ARK2C: variants seen among roughly 807,000 people sequenced by gnomAD.
ARK2C encodes arkadia (RNF111) C-terminal like ring finger ubiquitin ligase 2C.
At chr18:46,417,235 C>G in the ARK2C span, among the ~76,000 whole-genome samples, 1 of 152,240 alleles carries the variant, frequency 6.6e-6, no homozygotes, top group Non-Finnish European at 1.5e-5. Context: ...CTGCTTCTTA[C>G]CTTTGCCTTC....
chr18:46,416,046 A>G, the ARK2C span, among the ~76,000 whole-genome samples: 26,631 of 152,066 alleles, frequency 0.18, 2,432 homozygotes, highest in East Asian at 0.29. Flanking sequence ...TGGCATTTTC[A>G]TGGCTAATTA....
At chr18:46,441,321 ATGATT>A in the ARK2C span, among the ~76,000 whole-genome samples, 6 of 152,214 alleles carry the variant, frequency 3.9e-5, no homozygotes, top group African/African-American at 1.4e-4. Context: ...CTAGGCCCAA[ATGATT>A]CTCCTGCCTT....
At chr18:46,390,598 A>T in the ARK2C span, among the ~76,000 whole-genome samples, 1 of 152,212 alleles carries the variant, frequency 6.6e-6, no homozygotes, top group South Asian at 2.1e-4. Flanking sequence ...CCCTTCTCAA[A>T]GTGATAGAAA....
At chr18:46,378,916 C>G in the ARK2C span, among the ~76,000 whole-genome samples, 2 of 152,210 alleles carry the variant, frequency 1.3e-5, no homozygotes, top group Non-Finnish European at 2.9e-5. Context: ...CTCTTCCTCC[C>G]CAGTGTGGCT....
At chr18:46,340,305 A>G in the ARK2C span, among the ~76,000 whole-genome samples, 56 of 152,344 alleles carry the variant, frequency 3.7e-4, no homozygotes, top group African/African-American at 1.1e-3. Flanking sequence ...TAAGAACCAA[A>G]AGCAAACCCT....
the ARK2C span, chr18:46,334,793 T>G: frequency 4.5e-6 from 1 of 222,878 alleles, no homozygotes; most frequent in Admixed American, 7.9e-5. The surrounding 1 kb of genome is among the most constrained non-coding windows in gnomAD (Gnocchi z 4.4). Flanking sequence ...ATGTGTGTTT[T>G]GTGTTATGTG....
At chr18:46,400,148 A>G in the ARK2C span, among the ~76,000 whole-genome samples, 1 of 152,052 alleles carries the variant, frequency 6.6e-6, no homozygotes, top group East Asian at 1.9e-4. Flanking sequence ...CTCCAGCTCT[A>G]GGCCTTGTTT....
At chr18:46,400,309 T>C in the ARK2C span, among the ~76,000 whole-genome samples, 2 of 152,166 alleles carry the variant, frequency 1.3e-5, no homozygotes, top group African/African-American at 4.8e-5. Context: ...CCTGCAGTGA[T>C]GACAGGAACC....
At chr18:46,447,334 T>C in the ARK2C span, 5 of 469,752 alleles carry the variant, frequency 1.1e-5, no homozygotes, top group Non-Finnish European at 1.9e-5. Context: ...AGAAATTTCA[T>C]AGAGCCTGGA....
chr18:46,393,695 T>A, the ARK2C span, among the ~76,000 whole-genome samples: 1 of 152,190 alleles, frequency 6.6e-6, no homozygotes, highest in South Asian at 2.1e-4. Context: ...CCCAGGGAAG[T>A]CATTTCCCAG....
At chr18:46,432,693 C>T in the ARK2C span, among the ~76,000 whole-genome samples, 1 of 152,096 alleles carries the variant, frequency 6.6e-6, no homozygotes, top group South Asian at 2.1e-4. Context: ...CGCGGTGGCT[C>T]ACGCCTGTAA....
the ARK2C span, among the ~76,000 whole-genome samples, chr18:46,418,422 A>T: frequency 1.3e-5 from 2 of 152,224 alleles, no homozygotes; most frequent in African/African-American, 4.8e-5. Context: ...CTACATCCAA[A>T]ATATTATCAG....
At chr18:46,378,429 C>T in the ARK2C span, among the ~76,000 whole-genome samples, 1 of 152,156 alleles carries the variant, frequency 6.6e-6, no homozygotes, top group African/African-American at 2.4e-5. Flanking sequence ...CATTCATTCC[C>T]CCTGACCACC....
the ARK2C span, among the ~76,000 whole-genome samples, chr18:46,398,894 G>A: frequency 1.3e-5 from 2 of 151,784 alleles, no homozygotes; most frequent in East Asian, 1.9e-4. Context: ...TCTAGTCATC[G>A]TCTAGGATGC....
chr18:46,454,517 T>C, the ARK2C span, among the ~76,000 whole-genome samples: 1 of 152,162 alleles, frequency 6.6e-6, no homozygotes, highest in Non-Finnish European at 1.5e-5. Context: ...CAGTGGAGTA[T>C]ATAGGGCACA....
the ARK2C span, among the ~76,000 whole-genome samples, chr18:46,358,618 G>T: frequency 5.3e-5 from 8 of 152,132 alleles, no homozygotes; most frequent in Admixed American, 6.5e-5. Context: ...GAAAGGAGGG[G>T]TGACTGTCAC....
chr18:46,404,694 A>G, the ARK2C span, among the ~76,000 whole-genome samples: 4 of 152,066 alleles, frequency 2.6e-5, no homozygotes, highest in Non-Finnish European at 5.9e-5. Context: ...TTGAGGTTGT[A>G]GTGAGCCGAG....
the ARK2C span, chr18:46,455,938 C>A: frequency 2.2e-6 from 3 of 1,359,904 alleles, no homozygotes; most frequent in East Asian, 2.3e-5. Flanking sequence ...TGAGTCTGCC[C>A]CAGGTAATGA....
At chr18:46,411,269 G>C in the ARK2C span, among the ~76,000 whole-genome samples, 1 of 152,214 alleles carries the variant, frequency 6.6e-6, no homozygotes, top group Non-Finnish European at 1.5e-5. Flanking sequence ...CTGGCAAGTA[G>C]CTTTGGGTTG....
Sources: gnomAD v4.1 joint callset for allele counts (sites outside exome capture counted in the v4.1 genomes callset) on GRCh38, gnomAD v4.1.1 for gene constraint, Gnocchi (gnomAD v3.1) non-coding constraint, MANE v1.5 for transcripts, NCBI Gene and HGNC (gene_info 2026-07-23, HGNC 2026-07-21) for gene names.